The following MACROD1 variants were observed in gnomAD, a reference collection of about 807,000 sequenced individuals.
The protein encoded by MACROD1 is ADP-ribose glycohydrolase MACROD1.
A neutral mutation model predicts 41.4 loss-of-function variants in MACROD1; 31 were observed. The observed-to-expected ratio is 0.75, with a 90% CI of 0.56 to 1.01. The LOEUF (loss-of-function observed/expected upper bound fraction) is 1.01, where lower values mean the gene tolerates loss of function less well. Ranked by LOEUF, MACROD1 falls within the 50% of genes least tolerant of loss-of-function variation. The pLI is 0.00. For synonymous variants in MACROD1, 252 were observed against 203.4 expected (o/e 1.24, Z -2.03); for missense variants, 473 against 460.0 (o/e 1.03, Z -0.26).
chr11:64,154,460 C>T (rs1945635506), intron 1 of MACROD1, among the ~76,000 whole-genome samples: 1 of 152,146 alleles, frequency 6.6e-6, no homozygotes, highest in South Asian at 2.1e-4. Context: ...TCCCAACTCC[C>T]AGCTGATCTC....
chr11:64,152,829 C>T (rs1002723414), intron 1 of MACROD1, among the ~76,000 whole-genome samples: 5 of 152,326 alleles, frequency 3.3e-5, no homozygotes, highest in Middle Eastern at 3.4e-3. Flanking sequence ...TCAGTCCCAC[C>T]GCCAGTCAGT....
intron 3 of MACROD1, among the ~76,000 whole-genome samples, chr11:64,063,846 G>A (rs1943948673): frequency 6.6e-6 from 1 of 152,210 alleles, no homozygotes; most frequent in East Asian, 1.9e-4. Flanking sequence ...AATTAGCACA[G>A]ACAATGCCTC....
intron 3 of MACROD1, among the ~76,000 whole-genome samples, chr11:64,019,075 G>C (rs937752031): frequency 6.6e-6 from 1 of 152,184 alleles, no homozygotes; most frequent in Non-Finnish European, 1.5e-5. Context: ...GGCACAGTTC[G>C]CTTTGGCTCT....
At chr11:64,123,240 A>C (rs923651574) in intron 3 of MACROD1, among the ~76,000 whole-genome samples, 2 of 152,188 alleles carry the variant, frequency 1.3e-5, no homozygotes, top group African/African-American at 4.8e-5. Flanking sequence ...CGATTGGCAC[A>C]GGTGACGGTG....
intron 3 of MACROD1, among the ~76,000 whole-genome samples, chr11:64,037,630 T>TC (rs1253912450): frequency 6.6e-6 from 1 of 151,844 alleles, no homozygotes; most frequent in African/African-American, 2.4e-5. Flanking sequence ...GGCTGAAGGG[T>TC]CGGCCATGGG....
intron 4 of MACROD1, among the ~76,000 whole-genome samples, chr11:64,002,274 G>T (rs776138301): frequency 6.6e-6 from 1 of 152,208 alleles, no homozygotes; most frequent in Non-Finnish European, 1.5e-5. Flanking sequence ...AGGCGACCTC[G>T]GCCAGCTGTG....
At chr11:64,061,496 A>T (rs1943903000) in intron 3 of MACROD1, among the ~76,000 whole-genome samples, 1 of 152,088 alleles carries the variant, frequency 6.6e-6, no homozygotes, top group African/African-American at 2.4e-5. Flanking sequence ...CGCAGTCCCC[A>T]GGCAGCTCCT....
chr11:64,106,626 T>G (rs1270955497), intron 3 of MACROD1, among the ~76,000 whole-genome samples: 2 of 152,208 alleles, frequency 1.3e-5, no homozygotes, highest in Non-Finnish European at 2.9e-5. Context: ...AAGCCTCTGA[T>G]CTAGGATCAG....
chr11:64,117,621 C>T lies in MACROD1; in HGVS notation c.517+33618G>A, dbSNP rs373849969. On this transcript the variant is annotated intron_variant, in intron 3 of 10. Transcript: ENST00000255681. The stretch of plus-strand genomic sequence containing the variant: ...GAAGGCCCTGACGGCAGACTCCATC[C>T]GCATCACGTGGAAGGCCACGCTCCC... The T allele has an allele frequency of 9.9e-6, 16 of 1,613,778 alleles. No homozygotes were observed. Among genetic ancestry groups the T allele is most frequent in the Admixed American group, 6.7e-5 (4 of 60,032 alleles).
chr11:64,045,272 G>C (rs533687587), intron 3 of MACROD1, among the ~76,000 whole-genome samples: 55 of 152,198 alleles, frequency 3.6e-4, no homozygotes, highest in Non-Finnish European at 3.7e-4. Context: ...GCGGCCTGCC[G>C]TCACAGAGCA....
chr11:64,123,965 C>T (rs1021997522), intron 3 of MACROD1, among the ~76,000 whole-genome samples: 3 of 152,158 alleles, frequency 2.0e-5, no homozygotes, highest in Non-Finnish European at 1.5e-5. Flanking sequence ...TCCTGGTTCC[C>T]ACCCTTGCTT....
chr11:64,111,241 C>G (rs1944857375), intron 3 of MACROD1, among the ~76,000 whole-genome samples: 3 of 152,228 alleles, frequency 2.0e-5, no homozygotes, highest in Admixed American at 2.0e-4. Flanking sequence ...CTGCTCAGAA[C>G]AGCTGAGTAC....
chr11:64,041,227 A>C (rs959268730), intron 3 of MACROD1, among the ~76,000 whole-genome samples: 1 of 149,746 alleles, frequency 6.7e-6, no homozygotes, highest in Non-Finnish European at 1.5e-5. Context: ...AAAAAAAAAA[A>C]AAGCATGAGC....
intron 3 of MACROD1, among the ~76,000 whole-genome samples, chr11:64,075,946 T>C (rs1161207784): frequency 6.6e-6 from 1 of 152,242 alleles, no homozygotes; most frequent in Non-Finnish European, 1.5e-5. Flanking sequence ...AGTGTTGGGA[T>C]TGCAGGCGTG....
rs1019778317 is a variant in MACROD1, at chr11:64,117,426, G to A, written c.517+33813C>T. 2.2e-5 allele frequency: 35 copies of A among 1,612,616 alleles called. No individual in the cohort carries two copies. In the East Asian group the frequency reaches 2.5e-4, roughly 11 times the overall value. On this transcript the variant is annotated intron_variant, in intron 3 of 10. Coordinates refer to ENST00000255681, the MANE Select transcript of MACROD1 (RefSeq NM_014067.4). The stretch of plus-strand genomic sequence containing the variant: ...TTTTGAGACGGGGCCGCAGGGCGGC[G>A]TGGCCAATGCGGCTGCCAAGACCAC...
rs922186979 is a variant in MACROD1, at chr11:64,082,690, C to T, written c.518-67409G>A. 2.0e-5 allele frequency among the ~76,000 whole-genome samples: 3 copies of T among 152,132 alleles called. No homozygotes were observed. The highest frequency in any genetic ancestry group is 7.2e-5 in the African/African-American group (3 of 41,430). On this transcript the variant is annotated intron_variant, in intron 3 of 10. Transcript: ENST00000255681. The surrounding 1 kb of genome is among the most constrained non-coding windows in gnomAD (Gnocchi z 4.5). ...CAGACCCCTGTCCTGCTCCACCCTGCAGGCCCCTGGGTCTCACACAAGGAA... is the reference window on the plus strand; with the variant it reads ...CAGACCCCTGTCCTGCTCCACCCTGTAGGCCCCTGGGTCTCACACAAGGAA...
rs140765845 is a variant in MACROD1, at chr11:64,091,321, C to T, written c.517+59918G>A. Among the ~76,000 whole-genome samples the T allele has an allele frequency of 1.6e-3, 248 of 152,178 alleles. 1 individual carries two copies. Among genetic ancestry groups the T allele is most frequent in the African/African-American group, 5.7e-3 (238 of 41,508 alleles). On this transcript the variant is annotated intron_variant, in intron 3 of 10. Transcript: ENST00000255681. ...ATCACTCACGTAGCTGATTTCATCA[C>T]GTTTCATTTTCTGTCAAGTTTCCTG...
intron 3 of MACROD1, among the ~76,000 whole-genome samples, chr11:64,108,472 G>T (rs950012641): frequency 1.3e-5 from 2 of 152,194 alleles, no homozygotes; most frequent in Non-Finnish European, 2.9e-5. Flanking sequence ...GCACCAGGAA[G>T]CAGCGGCCTG....
intron 3 of MACROD1, among the ~76,000 whole-genome samples, chr11:64,018,616 G>A (rs1381405431): frequency 6.6e-6 from 1 of 152,188 alleles, no homozygotes; most frequent in Non-Finnish European, 1.5e-5. Flanking sequence ...TTGGCCTGTG[G>A]CCGGCCCTTT....
Sources: allele counts gnomAD v4.1 joint callset (sites outside exome capture counted in the v4.1 genomes callset), GRCh38; gene constraint gnomAD v4.1.1; non-coding constraint Gnocchi (gnomAD v3.1); transcripts MANE v1.5; gene names NCBI Gene and HGNC (gene_info 2026-07-23, HGNC 2026-07-21).